Variants in RIC8B observed in about 807,000 individuals in gnomAD.
RIC8B encodes the protein RIC8 guanine nucleotide exchange factor B, also known as chaperone Ric-8B.
In RIC8B, 16 loss-of-function variants were observed where a neutral mutation model predicts 57.5. The observed-to-expected ratio is 0.28, with a 90% CI of 0.19 to 0.42. The LOEUF (loss-of-function observed/expected upper bound fraction) is 0.42. Ranked by LOEUF, RIC8B falls within the 10% of genes least tolerant of loss-of-function variation. The probability of loss-of-function intolerance (pLI) is 1.00; values close to 1 mark genes in which losing one functional copy is unlikely to be tolerated. For synonymous variants in RIC8B, 216 were observed against 250.8 expected, an observed-to-expected ratio of 0.86 and a Z score of 1.31; for missense variants, 481 against 677.0, an observed-to-expected ratio of 0.71 and a Z score of 3.21.
chr12:106,804,778 A>G (rs2044930273), intron 2 of RIC8B, among the ~76,000 whole-genome samples: 1 of 152,198 alleles, frequency 6.6e-6, no homozygotes, highest in Admixed American at 6.5e-5. Context: ...AACTCTCCAT[A>G]AATATAATTC....
At chr12:106,869,503 A>G (rs953714236) in intron 8 of RIC8B, among the ~76,000 whole-genome samples, 5 of 151,732 alleles carry the variant, frequency 3.3e-5, no homozygotes, top group African/African-American at 1.2e-4. Flanking sequence ...CAATCTCCCA[A>G]CACTCCACAT....
chr12:106,807,650 C>CACA (rs766181713), intron 2 of RIC8B, among the ~76,000 whole-genome samples: 9 of 152,298 alleles, frequency 5.9e-5, no homozygotes, highest in Non-Finnish European at 1.3e-4. Context: ...TGGGCCTTGC[C>CACA]ACAGTTGTTA....
chr12:106,854,032 A>G (rs1481967638), intron 7 of RIC8B, among the ~76,000 whole-genome samples: 1 of 152,152 alleles, frequency 6.6e-6, no homozygotes, highest in Non-Finnish European at 1.5e-5. Flanking sequence ...CACTTGGCTC[A>G]CTGTTGGGGA....
intron 9 of RIC8B, among the ~76,000 whole-genome samples, chr12:106,884,937 A>G (rs898588644): frequency 2.0e-5 from 3 of 152,052 alleles, no homozygotes; most frequent in African/African-American, 7.2e-5. Context: ...GCTTATGGAC[A>G]TGTTTTTGGG....
At chr12:106,816,458 GAT>G (rs2045579558) in intron 3 of RIC8B, among the ~76,000 whole-genome samples, 1 of 152,204 alleles carries the variant, frequency 6.6e-6, no homozygotes, top group Non-Finnish European at 1.5e-5. Context: ...GGCAAGAAAA[GAT>G]GTGGAAAGCC....
chr12:106,825,924 T>TA lies in RIC8B; in HGVS notation c.836+105dup, dbSNP rs920594857. 32 of 745,332 alleles carry TA rather than the reference T, an allele frequency of 4.3e-5. No individual in the cohort carries two copies. In the African/African-American group the frequency reaches 4.5e-4, roughly 11 times the overall value. The allele number at this position is 745,332 out of a possible 1,614,324, so 46.2% of individuals were successfully genotyped here. A position where few individuals can be genotyped will look rare whatever the true frequency, so the allele number is the denominator to read the frequency against. ...TATAAGCACAAGAAAGTGAAAATAC[T>TA]ACAGTAAATCAGGTAACTGGTAGGT... On this transcript the variant is annotated intron_variant, in intron 4 of 9. Coordinates refer to ENST00000392837, the MANE Select transcript of RIC8B (RefSeq NM_001330145.2).
At chr12:106,784,136 T>G in intron 2 of RIC8B, 92 bp downstream of exon 2, 1 of 1,174,002 alleles carries the variant, frequency 8.5e-7, no homozygotes, top group East Asian at 2.4e-5. Flanking sequence ...ATCTGATGGT[T>G]ATTGATTGGT....
intron 5 of RIC8B, 123 bp from the exon 6 acceptor site, chr12:106,843,723 CAAAAAA>C (rs11384376): frequency 1.6e-3 from 422 of 256,182 alleles, no homozygotes; most frequent in South Asian, 2.5e-3. Flanking sequence ...CTCCCTCTCC[CAAAAAA>C]AAAAAAAAAA....
In RIC8B at chr12:106,869,937, AAAAC is replaced by A. The variant is rs1354431332; in HGVS notation, c.1452-874_1452-871del. ...GTGGGTGACAGAGCGAGACTCCGTCAAAACAAACAAACAAAAACAAAAAAACAGT... is the reference window on the plus strand; with the variant it reads ...GTGGGTGACAGAGCGAGACTCCGTCAAAACAAACAAAAACAAAAAAACAGT... On this transcript the variant is annotated intron_variant, in intron 8 of 9. Transcript: ENST00000392837. Among the ~76,000 whole-genome samples, 7 of 152,246 alleles carry A rather than the reference AAAAC, an allele frequency of 4.6e-5. No individual in the cohort carries two copies. In the East Asian group the frequency reaches 9.6e-4, roughly 21 times the overall value.
Position 106,775,459 on chromosome 12 carries a change from C to T in RIC8B, c.84+630C>T, listed in dbSNP as rs766949760. The T allele has an allele frequency of 1.9e-5, 8 of 427,174 alleles. No homozygotes were observed. The East Asian group carries it at 4.3e-4, about 23-fold the overall frequency. The allele number at this position is 427,174 out of a possible 1,614,324, so 26.5% of individuals were successfully genotyped here. On this transcript the variant is annotated intron_variant, in intron 1 of 9. Transcript: ENST00000392837. Reference sequence around the variant, plus strand: ...GTGGAGAATGTAACTCCTAATGATACCTGTTATTTGTATCGCATTAACAGC... The same window carrying T: ...GTGGAGAATGTAACTCCTAATGATATCTGTTATTTGTATCGCATTAACAGC...
chr12:106,779,522 A>G (rs1354957205), intron 1 of RIC8B, among the ~76,000 whole-genome samples: 2 of 151,726 alleles, frequency 1.3e-5, no homozygotes, highest in East Asian at 1.9e-4. Flanking sequence ...ATGAGCCACT[A>G]TGCCTGGCCT....
rs1019392120 is a variant in RIC8B, at chr12:106,879,422, T to C, written c.1572-6482T>C. 1.0e-5 allele frequency: 10 copies of C among 985,040 alleles called. No homozygotes were observed. The African/African-American group carries it at 1.8e-4, about 17-fold the overall frequency. The allele number at this position is 985,040 out of a possible 1,614,324, so 61.0% of individuals were successfully genotyped here. ...AGAGTCATATAGGAACCAGAAGCCC[T>C]AAAAAGCAGAACCTTCTCTAAGGTG... is the stretch of plus-strand genomic sequence containing the variant. On this transcript the variant is annotated intron_variant, in intron 9 of 9. Transcript: ENST00000392837. The surrounding 1 kb of genome is among the most constrained non-coding windows in gnomAD (Gnocchi z 4.9).
chr12:106,785,796 T>TCC (rs2043982165), intron 2 of RIC8B, among the ~76,000 whole-genome samples: 1 of 122,124 alleles, frequency 8.2e-6, no homozygotes, highest in Admixed American at 8.8e-5. Flanking sequence ...TCTCTCTCTC[T>TCC]CTCTCTCTCT....
chr12:106,859,791 T>G (rs1949854034), intron 7 of RIC8B, among the ~76,000 whole-genome samples: 1 of 152,166 alleles, frequency 6.6e-6, no homozygotes, highest in South Asian at 2.1e-4. Context: ...TTTGCTAATA[T>G]TCTTCCTTAA....
intron 2 of RIC8B, among the ~76,000 whole-genome samples, chr12:106,803,141 G>A (rs2044819878): frequency 7.1e-6 from 1 of 140,202 alleles, no homozygotes; most frequent in Admixed American, 7.7e-5. Flanking sequence ...GAGCCCCGGA[G>A]TTCGAAGTTA....
chr12:106,827,240 TTCA>T (rs2046145874), intron 4 of RIC8B, among the ~76,000 whole-genome samples: 1 of 152,196 alleles, frequency 6.6e-6, no homozygotes, highest in African/African-American at 2.4e-5. Context: ...GAGTTCTGAC[TTCA>T]TCATGATGCT....
chr12:106,832,032 G>C (rs1027761411), intron 4 of RIC8B, among the ~76,000 whole-genome samples: 1 of 152,002 alleles, frequency 6.6e-6, no homozygotes, highest in African/African-American at 2.4e-5. Context: ...CACTTGCTCT[G>C]TCTACTGCGT....
chr12:106,886,228 G>A lies in RIC8B; in HGVS notation c.*213G>A, dbSNP rs765324652. 1.0e-4 allele frequency: 47 copies of A among 463,482 alleles called. No individual in the cohort carries two copies. The highest frequency in any genetic ancestry group is 6.8e-4 in the African/African-American group (34 of 50,020). The allele number at this position is 463,482 out of a possible 1,614,324, so 28.7% of individuals were successfully genotyped here. On this transcript the variant is annotated 3_prime_UTR_variant, in exon 10 of 10. Coordinates refer to ENST00000392837, the MANE Select transcript of RIC8B (RefSeq NM_001330145.2). The stretch of plus-strand genomic sequence containing the variant: ...CAGAGCTGCAGTTAGACGGGGTTAC[G>A]GGGGCTAAAAGCAGAAAAAAAATTC...
intron 5 of RIC8B, 77 bp from the exon 6 acceptor site, chr12:106,843,775 C>A: frequency 1.1e-6 from 1 of 933,782 alleles, no homozygotes; most frequent in Non-Finnish European, 1.6e-6. Context: ...TTGATATCCT[C>A]AGTTACATGA....
Sources: allele counts gnomAD v4.1 joint callset (sites outside exome capture counted in the v4.1 genomes callset), GRCh38; gene constraint gnomAD v4.1.1; non-coding constraint Gnocchi (gnomAD v3.1); transcripts MANE v1.5; gene names NCBI Gene and HGNC (gene_info 2026-07-23, HGNC 2026-07-21).